ZNF81: variants seen among roughly 807,000 people sequenced by gnomAD.
ZNF81 encodes zinc finger protein 81.
Under a neutral mutation model 32.3 loss-of-function variants are expected in ZNF81, and 5 were observed. That is an observed-to-expected ratio of 0.15 (90% CI 0.08 to 0.33). ZNF81 has a LOEUF of 0.33. Among genes scored for constraint, ZNF81 ranks in the 10% least tolerant of loss-of-function variants. The pLI is 1.00. For synonymous variants in ZNF81, 163 were observed against 166.8 expected, an observed-to-expected ratio of 0.98 and a Z score of 0.17; for missense variants, 379 against 479.8, an observed-to-expected ratio of 0.79 and a Z score of 1.96.
intron 4 of ZNF81, among the ~76,000 whole-genome samples, 158 bp from the exon 5 acceptor site, chrX:47,914,766 T>G (rs186939268): frequency 8.9e-6 from 1 of 111,840 alleles, no homozygotes; most frequent in African/African-American, 3.2e-5. Context: ...CGTGTAAGAG[T>G]TTGGCACATA....
At position 47,916,892 on chromosome X, in the gene ZNF81, T is replaced by C; in HGVS notation, c.*260T>C. 3.2e-6 allele frequency: 1 copy of C among 310,262 alleles called. No individual in the cohort carries two copies. The highest frequency in any genetic ancestry group is 5.6e-6 in the Non-Finnish European group (1 of 179,530). The allele number at this position is 310,262 out of a possible 1,213,427, so 25.6% of individuals were successfully genotyped here. A position where few individuals can be genotyped will look rare whatever the true frequency, so the allele number is the denominator to read the frequency against. ...GAAAAATGTTGTCAGTTTGGTGTGT[T>C]AGGAAAAGCCTTCCTATAGAAAGTA... On this transcript the variant is annotated 3_prime_UTR_variant, in exon 5 of 5. Coordinates refer to ENST00000338637, the MANE Select transcript of ZNF81 (RefSeq NM_007137.5).
intron 2 of ZNF81, among the ~76,000 whole-genome samples, chrX:47,855,172 T>A (rs1036761485): frequency 3.1e-4 from 33 of 108,059 alleles, no homozygotes; most frequent in African/African-American, 1.1e-3. Flanking sequence ...ATAAATTAAT[T>A]AATTAATTAA....
At chrX:47,913,853 C>T (rs964060383) in intron 4 of ZNF81, among the ~76,000 whole-genome samples, 3 of 111,292 alleles carry the variant, frequency 2.7e-5, no homozygotes, top group South Asian at 3.8e-4. Context: ...TGAAACCCAT[C>T]GAGAAGAGTT....
chrX:47,896,404 A>G (rs1406914692), intron 4 of ZNF81, among the ~76,000 whole-genome samples: 6 of 110,431 alleles, frequency 5.4e-5, no homozygotes, highest in Non-Finnish European at 1.1e-4. Context: ...TTTTGTTCTC[A>G]CCTTCTCACT....
At chrX:47,840,618 C>T (rs1426629782) in intron 1 of ZNF81, among the ~76,000 whole-genome samples, 1 of 110,200 alleles carries the variant, frequency 9.1e-6, no homozygotes, top group Non-Finnish European at 1.9e-5. Flanking sequence ...AGCGATTCTC[C>T]TGCCTCAACC....
At chrX:47,839,140 T>C (rs1250460790) in intron 1 of ZNF81, among the ~76,000 whole-genome samples, 1 of 111,598 alleles carries the variant, frequency 9.0e-6, no homozygotes, top group Non-Finnish European at 1.9e-5. Context: ...TTGGGGACTA[T>C]TTCCTCCTCT....
At chrX:47,843,550 T>C (rs1487071458) in intron 1 of ZNF81, among the ~76,000 whole-genome samples, 1 of 111,254 alleles carries the variant, frequency 9.0e-6, no homozygotes, top group Non-Finnish European at 1.9e-5. Context: ...TGAGACAGTT[T>C]CTCACTCTGT....
intron 2 of ZNF81, among the ~76,000 whole-genome samples, chrX:47,872,929 G>A (rs1330731062): frequency 9.0e-6 from 1 of 110,862 alleles, no homozygotes; most frequent in Non-Finnish European, 1.9e-5. Context: ...ATTATTCTGT[G>A]GGGCCCATTG....
intron 2 of ZNF81, among the ~76,000 whole-genome samples, chrX:47,877,457 C>G (rs1203944095): frequency 8.9e-6 from 1 of 112,015 alleles, no homozygotes; most frequent in South Asian, 3.7e-4. Flanking sequence ...TGCCAGTAAG[C>G]AAGTCTTCCC....
intron 4 of ZNF81, among the ~76,000 whole-genome samples, chrX:47,904,698 C>G (rs1421714209): frequency 6.3e-5 from 7 of 111,803 alleles, no homozygotes; most frequent in Non-Finnish European, 1.3e-4. Flanking sequence ...TTTGACCCAG[C>G]CATCCCATTA....
chrX:47,878,578 T>TTTAAAG (rs1556884806), intron 2 of ZNF81, among the ~76,000 whole-genome samples: 21 of 112,312 alleles, frequency 1.9e-4, no homozygotes, highest in Admixed American at 1.7e-3. Context: ...TTGGAATAAC[T>TTTAAAG]AGGAGACTCT....
rs1195511505 is a variant in ZNF81, at chrX:47,922,134, T to C, written c.*5502T>C. ...ACCCAGCAAAAAGCTAACTGATACA[T>C]TGATTATTTATTGCATTTCTTCCTC... On this transcript the variant is annotated 3_prime_UTR_variant, in exon 5 of 5. Coordinates refer to ENST00000338637, the MANE Select transcript of ZNF81 (RefSeq NM_007137.5). The C allele has an allele frequency of 8.9e-6, 1 of 111,977 alleles. No homozygotes were observed. Among genetic ancestry groups the C allele is most frequent in the Non-Finnish European group, 1.9e-5 (1 of 53,202 alleles). 9.2% of individuals were successfully genotyped at this position (111,977 alleles called of 1,213,427 possible).
At chrX:47,868,566 C>T (rs1177378157) in intron 2 of ZNF81, among the ~76,000 whole-genome samples, 1 of 111,330 alleles carries the variant, frequency 9.0e-6, no homozygotes, top group African/African-American at 3.3e-5. Flanking sequence ...ATTTCCACTC[C>T]TATTGAGCTC....
chrX:47,852,159 C>A (rs1406483402), intron 2 of ZNF81, among the ~76,000 whole-genome samples: 1 of 112,218 alleles, frequency 8.9e-6, no homozygotes, highest in African/African-American at 3.2e-5. Context: ...AGTGTATATA[C>A]CTTAATTTAA....
intron 1 of ZNF81, among the ~76,000 whole-genome samples, chrX:47,840,127 CTTT>C (rs34211141): frequency 5.6e-4 from 46 of 82,785 alleles, no homozygotes; most frequent in East Asian, 2.8e-3. Context: ...TCTTCTCTCT[CTTT>C]TTTTTTTTTT....
chrX:47,897,753 C>A (rs1234509722), intron 4 of ZNF81, among the ~76,000 whole-genome samples: 1 of 111,858 alleles, frequency 8.9e-6, no homozygotes, highest in Non-Finnish European at 1.9e-5. Flanking sequence ...GTTGAAGGGG[C>A]TTTCTTTTTC....
chrX:47,891,946 T>G (rs964719100), intron 3 of ZNF81, among the ~76,000 whole-genome samples: 3 of 111,919 alleles, frequency 2.7e-5, no homozygotes, highest in African/African-American at 6.5e-5. Context: ...TGGCTTCCCC[T>G]TCATTCAAGG....
At chrX:47,874,873 A>G (rs2058593680) in intron 2 of ZNF81, among the ~76,000 whole-genome samples, 1 of 111,767 alleles carries the variant, frequency 8.9e-6, no homozygotes, top group Non-Finnish European at 1.9e-5. Flanking sequence ...TTCCCTAGCT[A>G]TATGGTATGT....
chrX:47,875,639 T>TG (rs782632441), intron 2 of ZNF81, among the ~76,000 whole-genome samples: 1 of 112,585 alleles, frequency 8.9e-6, no homozygotes, highest in South Asian at 3.7e-4. Context: ...TCAGCTGGTC[T>TG]GCTCGATTCA....
Sources: allele counts gnomAD v4.1 joint callset (sites outside exome capture counted in the v4.1 genomes callset), GRCh38; gene constraint gnomAD v4.1.1; transcripts MANE v1.5; gene names NCBI Gene and HGNC (gene_info 2026-07-23, HGNC 2026-07-21).